PKIG: variants seen among roughly 807,000 people sequenced by gnomAD.
The protein encoded by PKIG is protein kinase (cAMP-dependent, catalytic) inhibitor gamma.
In PKIG, 1 loss-of-function variant was observed where a neutral mutation model predicts 6.8. The ratio of observed to expected loss-of-function variants is 0.15; its 90% CI spans 0.05 to 0.69. The LOEUF (loss-of-function observed/expected upper bound fraction) is 0.69, where lower values mean the gene tolerates loss of function less well. Among genes scored for constraint, PKIG ranks in the 30% least tolerant of loss-of-function variants. The probability of loss-of-function intolerance (pLI) is 0.82; values close to 1 mark genes in which losing one functional copy is unlikely to be tolerated. For missense variants in PKIG, 77 were observed against 104.0 expected (o/e 0.74, Z 1.13); for synonymous variants, 39 against 43.0 (o/e 0.91, Z 0.36).
intron 1 of PKIG, among the ~76,000 whole-genome samples, chr20:44,533,430 G>A (rs533659511): frequency 2.8e-4 from 43 of 152,340 alleles, no homozygotes; most frequent in African/African-American, 1.0e-3. Flanking sequence ...CAGATTGGTG[G>A]AGAAAATATT....
At chr20:44,616,790 T>A (rs978532878) in intron 3 of PKIG, among the ~76,000 whole-genome samples, 6 of 152,052 alleles carry the variant, frequency 3.9e-5, no homozygotes, top group African/African-American at 1.4e-4. Context: ...CCACGCCCAC[T>A]CCAGCGACTC....
At chr20:44,602,446 T>G (rs760948468) in intron 2 of PKIG, among the ~76,000 whole-genome samples, 11 of 152,250 alleles carry the variant, frequency 7.2e-5, no homozygotes, top group Non-Finnish European at 1.6e-4. Flanking sequence ...TAAATATCTT[T>G]TTTAGTTTCC....
chr20:44,571,224 AAAT>A (rs140802204), intron 1 of PKIG, among the ~76,000 whole-genome samples: 79 of 150,142 alleles, frequency 5.3e-4, no homozygotes, highest in South Asian at 4.9e-3. Context: ...AGAGAGACTC[AAAT>A]AATAATAATA....
At position 44,611,301 on chromosome 20, in the gene PKIG, G is replaced by A. The variant is rs1301797312; in HGVS notation, c.-23-3233G>A. ...ACTTCTGACCTCAGGTGAACTACCC[G>A]CCTCGGCCTCCCAAAGTGCTGGGAT... On this transcript the variant is annotated intron_variant, in intron 2 of 3. Coordinates refer to ENST00000372886, the MANE Select transcript of PKIG (RefSeq NM_001281445.2). 5.3e-5 allele frequency among the ~76,000 whole-genome samples: 8 copies of A among 152,126 alleles called. 1 individual carries two copies. In the East Asian group the frequency reaches 7.7e-4, roughly 15 times the overall value.
intron 2 of PKIG, among the ~76,000 whole-genome samples, chr20:44,606,247 G>A (rs1172618405): frequency 3.3e-5 from 5 of 152,272 alleles, no homozygotes; most frequent in Non-Finnish European, 5.9e-5. Flanking sequence ...GATGCAAGTG[G>A]GAAGATGCTC....
chr20:44,608,298 A>AC (rs1351027398), intron 2 of PKIG, among the ~76,000 whole-genome samples: 1 of 152,254 alleles, frequency 6.6e-6, no homozygotes, highest in Non-Finnish European at 1.5e-5. Flanking sequence ...TAATTATATC[A>AC]CTGGTATTCT....
At chr20:44,572,514 C>T (rs2123297491) in intron 1 of PKIG, among the ~76,000 whole-genome samples, 1 of 151,930 alleles carries the variant, frequency 6.6e-6, no homozygotes, top group Non-Finnish European at 1.5e-5. Flanking sequence ...TAAAATTCAG[C>T]AACTTAAATA....
At chr20:44,550,171 C>T (rs773488188) in intron 1 of PKIG, among the ~76,000 whole-genome samples, 6 of 149,090 alleles carry the variant, frequency 4.0e-5, no homozygotes, top group Non-Finnish European at 8.9e-5. Flanking sequence ...TATATTATCT[C>T]ATTTAATTCT....
At chr20:44,573,185 C>T (rs1184508428) in intron 1 of PKIG, among the ~76,000 whole-genome samples, 1 of 152,222 alleles carries the variant, frequency 6.6e-6, no homozygotes, top group Non-Finnish European at 1.5e-5. Context: ...TCAAGAGTCC[C>T]TTTGAGGACT....
intron 1 of PKIG, among the ~76,000 whole-genome samples, chr20:44,557,278 C>G (rs1416258095): frequency 6.6e-6 from 1 of 152,088 alleles, no homozygotes; most frequent in Admixed American, 6.5e-5. Context: ...AATCCCAGCA[C>G]TTCGGGAGGC....
intron 2 of PKIG, among the ~76,000 whole-genome samples, chr20:44,610,962 G>A (rs1298334770): frequency 6.6e-6 from 1 of 151,946 alleles, no homozygotes; most frequent in Admixed American, 6.6e-5. Context: ...ATCAGATCAG[G>A]GCAGTTAGCA....
intron 2 of PKIG, among the ~76,000 whole-genome samples, chr20:44,597,290 T>G (rs1277877605): frequency 1.4e-5 from 2 of 147,048 alleles, no homozygotes; most frequent in Non-Finnish European, 3.0e-5. Flanking sequence ...AGAATTACTA[T>G]GAGAAACTAT....
rs2083467338 is a variant in PKIG at position 44,563,721 on chromosome 20, A to G, written c.-240-18864A>G. The stretch of plus-strand genomic sequence containing the variant: ...ATTTTTGTATTTTTTTGTAGAGATG[A>G]GGTCTTACTGTGTTGCCCAGACTGG... On this transcript the variant is annotated intron_variant, in intron 1 of 4. Transcript: ENST00000372887. Among the ~76,000 whole-genome samples the G allele has an allele frequency of 3.3e-5, 5 of 151,872 alleles. No homozygotes were observed. The South Asian group carries it at 1.0e-3, about 32-fold the overall frequency.
At chr20:44,610,500 T>TCTCTCTCACACACACACACACACACA (rs1555841182) in intron 2 of PKIG, among the ~76,000 whole-genome samples, 4 of 135,486 alleles carry the variant, frequency 3.0e-5, no homozygotes, top group African/African-American at 9.1e-5. Context: ...TCTCTCTCTC[T>TCTCTCTCACACACACACACACACACA]CACACACACA....
At chr20:44,581,708 A>G (rs1265810717), upstream of PKIG, among the ~76,000 whole-genome samples, 1 of 151,972 alleles carries the variant, frequency 6.6e-6, no homozygotes, top group Non-Finnish European at 1.5e-5. Context: ...TTTTGGTTTT[A>G]CTCCCAGAGA....
At chr20:44,573,351 A>G (rs903744691) in intron 1 of PKIG, among the ~76,000 whole-genome samples, 4 of 152,240 alleles carry the variant, frequency 2.6e-5, no homozygotes, top group African/African-American at 9.6e-5. Context: ...TCAAATGCCT[A>G]TGAGGAGATT....
intron 1 of PKIG, among the ~76,000 whole-genome samples, chr20:44,547,207 G>A (rs1384237361): frequency 6.6e-6 from 1 of 152,210 alleles, no homozygotes; most frequent in African/African-American, 2.4e-5. Context: ...TGTCAGTGGA[G>A]CTAGTCTTGT....
At chr20:44,546,964 T>C (rs867670036) in intron 1 of PKIG, among the ~76,000 whole-genome samples, 2 of 152,348 alleles carry the variant, frequency 1.3e-5, no homozygotes, top group South Asian at 2.1e-4. Context: ...CTTCAAACTT[T>C]TCTTTTTATA....
chr20:44,567,452 T>A (rs2064819651), intron 1 of PKIG, among the ~76,000 whole-genome samples: 1 of 152,190 alleles, frequency 6.6e-6, no homozygotes, highest in Non-Finnish European at 1.5e-5. Flanking sequence ...AAACTCCTAA[T>A]TTTTCTTCTC....
Sources: gnomAD v4.1 joint callset for allele counts (sites outside exome capture counted in the v4.1 genomes callset) on GRCh38, gnomAD v4.1.1 for gene constraint, MANE v1.5 for transcripts, NCBI Gene and HGNC (gene_info 2026-07-23, HGNC 2026-07-21) for gene names.